Variants in GLB1L3 observed in about 807,000 individuals in gnomAD.
GLB1L3 encodes the protein beta-galactosidase-1-like protein 3.
In GLB1L3, 89 loss-of-function variants were observed where a neutral mutation model predicts 89.5. That is an observed-to-expected ratio of 0.99 (90% CI 0.84 to 1.19). GLB1L3 has a LOEUF of 1.19. GLB1L3 is among the 50% of genes most tolerant of loss of function. GLB1L3 has a pLI of 0.00. For missense variants in GLB1L3, 812 were observed against 813.3 expected, an observed-to-expected ratio of 1.00 and a Z score of 0.02; for synonymous variants, 314 against 312.3, an observed-to-expected ratio of 1.01 and a Z score of -0.06.
At position 134,280,694 on chromosome 11, in the gene GLB1L3, T is replaced by C. The variant is rs181264016; in HGVS notation, c.363-683T>C. 8.5e-5 allele frequency among the ~76,000 whole-genome samples: 13 copies of C among 152,304 alleles called. No homozygotes were observed. In the East Asian group the frequency reaches 9.6e-4, roughly 11 times the overall value. On this transcript the variant is annotated intron_variant, in intron 3 of 19. Coordinates refer to ENST00000431683, the MANE Select transcript of GLB1L3 (RefSeq NM_001080407.3). ...TAAGCTCATAGAAGGCCATGATTAG[T>C]ATGTCTTCTTGGTGGGCCATACAGT...
chr11:134,293,127 T>G lies in GLB1L3; in HGVS notation c.812-18T>G. The G allele has an allele frequency of 6.2e-7, 1 of 1,611,520 alleles. No individual in the cohort carries two copies. Among genetic ancestry groups the G allele is most frequent in the Non-Finnish European group, 8.5e-7 (1 of 1,177,716 alleles). On this transcript the variant is annotated intron_variant, in intron 8 of 19. Transcript: ENST00000431683. ...ACTTGTCTCATGCCTCAGCTGGGTC[T>G]CTCTCTTCTTTATGCAGTGTTGGCC...
intron 9 of GLB1L3, 40 bp downstream of exon 9, chr11:134,293,249 T>C: frequency 6.7e-7 from 1 of 1,485,038 alleles, no homozygotes; most frequent in Non-Finnish European, 9.4e-7. Context: ...CAGCTCCTCC[T>C]ACCATGACCT....
chr11:134,319,143 A>G lies in GLB1L3; in HGVS notation c.*201A>G. The G allele has an allele frequency of 1.9e-6, 1 of 520,602 alleles. No homozygotes were observed. Among genetic ancestry groups the G allele is most frequent in the Non-Finnish European group, 3.4e-6 (1 of 290,656 alleles). The allele number at this position is 520,602 out of a possible 1,614,324, so 32.2% of individuals were successfully genotyped here. A position where few individuals can be genotyped will look rare whatever the true frequency, so the allele number is the denominator to read the frequency against. ...CTAATTTTTTGTATTTTTAGTAGAG[A>G]TGGGGTTTCACCAAGTTAGCCAGGA... is the stretch of plus-strand genomic sequence containing the variant. On this transcript the variant is annotated 3_prime_UTR_variant, in exon 20 of 20. Coordinates refer to ENST00000431683, the MANE Select transcript of GLB1L3 (RefSeq NM_001080407.3).
At chr11:134,295,517 T>G (rs1941584080) in intron 9 of GLB1L3, among the ~76,000 whole-genome samples, 1 of 152,208 alleles carries the variant, frequency 6.6e-6, no homozygotes, top group African/African-American at 2.4e-5. Flanking sequence ...TTGGTTAGTG[T>G]GGCTAGAAGT....
intron 3 of GLB1L3, 136 bp from the exon 4 acceptor site, chr11:134,281,241 T>G (rs1591532059): frequency 1.0e-6 from 1 of 986,238 alleles, no homozygotes; most frequent in South Asian, 1.4e-5. Context: ...GTAACAGAGG[T>G]TTAATTTCCA....
chr11:134,308,643 T>TCACCACCATCATCACCACCAC (rs1329752608), intron 10 of GLB1L3, among the ~76,000 whole-genome samples: 5 of 94,682 alleles, frequency 5.3e-5, no homozygotes, highest in Admixed American at 9.9e-5. Flanking sequence ...ATCAACACCA[T>TCACCACCATCATCACCACCAC]CACCACCATC....
rs11344045 is a variant in GLB1L3, at chr11:134,291,273, CTT to C, written c.730-845_730-844del. Among the ~76,000 whole-genome samples the C allele has an allele frequency of 3.1e-4, 44 of 142,106 alleles. No homozygotes were observed. The South Asian group carries it at 6.4e-3, about 21-fold the overall frequency. 93.2% of individuals were successfully genotyped at this position (142,106 alleles called of 152,430 possible). A position where few individuals can be genotyped will look rare whatever the true frequency, so the allele number is the denominator to read the frequency against. On this transcript the variant is annotated intron_variant, in intron 7 of 19. Coordinates refer to ENST00000431683, the MANE Select transcript of GLB1L3 (RefSeq NM_001080407.3). ...CAACCTATGCACATCCTCCCATATG[CTT>C]TTTTTTTTTTTTTCTGAGATAGTTT...
chr11:134,276,822 C>G, intron 1 of GLB1L3, 59 bp downstream of exon 1: 1 of 1,321,980 alleles, frequency 7.6e-7, no homozygotes. Flanking sequence ...GCCCGGGAGC[C>G]TCCACCCTCC....
chr11:134,282,144 G>A (rs376241906), intron 5 of GLB1L3, 24 bp downstream of exon 5: 1 of 1,556,964 alleles, frequency 6.4e-7, no homozygotes, highest in Middle Eastern at 1.7e-4. Flanking sequence ...CAGTCCCAGA[G>A]TCGTGGTTCT....
chr11:134,312,071 A>G (rs1234383510), intron 13 of GLB1L3: 15 of 318,742 alleles, frequency 4.7e-5, no homozygotes, highest in Non-Finnish European at 1.1e-5. Context: ...TGCTGGGATT[A>G]CAGGCGTGAG....
intron 9 of GLB1L3, among the ~76,000 whole-genome samples, chr11:134,295,764 A>G (rs1383323150): frequency 1.3e-5 from 2 of 152,038 alleles, no homozygotes; most frequent in African/African-American, 4.8e-5. Context: ...ATTTCTCTGT[A>G]TGTACTAGTT....
intron 9 of GLB1L3, among the ~76,000 whole-genome samples, chr11:134,303,995 GTTTCTT>G (rs1014231466): frequency 4.6e-5 from 7 of 151,902 alleles, no homozygotes; most frequent in African/African-American, 1.7e-4. Context: ...AGAATTTTTT[GTTTCTT>G]TTTTTGTTTT....
chr11:134,313,618 C>T (rs1174105642), intron 16 of GLB1L3, 144 bp downstream of exon 16: 3 of 731,512 alleles, frequency 4.1e-6, no homozygotes, highest in African/African-American at 1.7e-5. Context: ...GCAAAATCGG[C>T]CCCTCGCCCT....
chr11:134,308,617 TATCACCACCATCACCATCAACACC>T (rs1942541397), intron 10 of GLB1L3, among the ~76,000 whole-genome samples: 1 of 54,186 alleles, frequency 1.8e-5, no homozygotes, highest in African/African-American at 7.9e-5. Context: ...CCACCACCAC[TATCACCACCATCACCATCAACACC>T]ATCACCACCA....
At chr11:134,305,417 C>T (rs529989489) in intron 9 of GLB1L3, 1 of 373,292 alleles carries the variant, frequency 2.7e-6, no homozygotes, top group East Asian at 4.2e-5. Context: ...GATAGACCTT[C>T]AATGCTTTTG....
At chr11:134,287,446 T>C (rs1941080993) in intron 6 of GLB1L3, 2 of 152,388 alleles carry the variant, frequency 1.3e-5, no homozygotes, top group Non-Finnish European at 2.9e-5. Flanking sequence ...TTAATTATTA[T>C]GTAAAAATAA....
chr11:134,309,836 C>T, intron 11 of GLB1L3, 73 bp downstream of exon 11: 1 of 1,537,312 alleles, frequency 6.5e-7, no homozygotes, highest in Non-Finnish European at 8.9e-7. Context: ...CTCCGGAAGC[C>T]TGTTCTGGCA....
chr11:134,308,826 AAGC>A (rs1942575701), intron 10 of GLB1L3, among the ~76,000 whole-genome samples: 1 of 152,232 alleles, frequency 6.6e-6, no homozygotes, highest in African/African-American at 2.4e-5. Flanking sequence ...ACAGATCAGG[AAGC>A]AGTGGCGTTG....
intron 10 of GLB1L3, among the ~76,000 whole-genome samples, chr11:134,308,465 C>CACT (rs1942471855): frequency 5.3e-5 from 2 of 37,960 alleles, no homozygotes; most frequent in African/African-American, 3.4e-4. Context: ...CCACCACCAC[C>CACT]ACCACCAAAT....
Sources: gnomAD v4.1 joint callset for allele counts (sites outside exome capture counted in the v4.1 genomes callset) on GRCh38, gnomAD v4.1.1 for gene constraint, MANE v1.5 for transcripts, NCBI Gene and HGNC (gene_info 2026-07-23, HGNC 2026-07-21) for gene names.